UCMA: variants seen among roughly 807,000 people sequenced by gnomAD.
UCMA encodes the protein upper zone of growth plate and cartilage matrix-associated protein.
Under a neutral mutation model 21.8 loss-of-function variants are expected in UCMA, and 21 were observed. The ratio of observed to expected loss-of-function variants is 0.97; its 90% CI spans 0.68 to 1.39. The LOEUF is 1.39. Ranked by LOEUF, UCMA falls within the 40% of genes most tolerant of loss-of-function variation. The probability of loss-of-function intolerance (pLI) is 0.00; values close to 1 mark genes in which losing one functional copy is unlikely to be tolerated. For synonymous variants in UCMA, 76 were observed against 67.9 expected (o/e 1.12, Z -0.58); for missense variants, 193 against 178.9 (o/e 1.08, Z -0.45).
At chr10:13,231,250 C>G (rs1834896112) in intron 3 of UCMA, among the ~76,000 whole-genome samples, 1 of 152,126 alleles carries the variant, frequency 6.6e-6, no homozygotes, top group South Asian at 2.1e-4. Flanking sequence ...TCTGCCGTGA[C>G]CTACTTAGTT....
At chr10:13,226,420 G>A (rs973301839) in intron 4 of UCMA, among the ~76,000 whole-genome samples, 2 of 151,922 alleles carry the variant, frequency 1.3e-5, no homozygotes, top group Admixed American at 1.3e-4. Context: ...CCATCCCCCT[G>A]CCTTAGCCTC....
intron 4 of UCMA, 63 bp downstream of exon 4, chr10:13,229,548 C>A (rs936991651): frequency 3.8e-5 from 55 of 1,442,552 alleles, no homozygotes; most frequent in Non-Finnish European, 4.9e-5. Context: ...GAAGAGAAAG[C>A]AAACCATGTG....
chr10:13,234,163 G>T (rs768655178), intron 1 of UCMA, 38 bp downstream of exon 1: 24 of 1,580,206 alleles, frequency 1.5e-5, no homozygotes, highest in Non-Finnish European at 2.0e-5. Flanking sequence ...CCCTTACCAT[G>T]TAACTAACAC....
At chr10:13,222,976 G>A (rs1296114259) in intron 4 of UCMA, among the ~76,000 whole-genome samples, 2 of 151,778 alleles carry the variant, frequency 1.3e-5, no homozygotes, top group African/African-American at 2.4e-5. Context: ...TATAATCCCA[G>A]CACTTTGGGA....
intron 3 of UCMA, among the ~76,000 whole-genome samples, chr10:13,230,724 G>T (rs1055751969): frequency 6.6e-6 from 1 of 152,134 alleles, no homozygotes; most frequent in African/African-American, 2.4e-5. Flanking sequence ...AGAGGTGCTG[G>T]GAGAAACAAG....
chr10:13,233,731 T>G lies in UCMA; in HGVS notation c.124+4A>C. ...CCTGCCCCGTGGGTGGCCCCTGCAC[T>G]CACCTTCACTCGCCTCTTCTCCCGC... On this transcript the variant is annotated splice_donor_region_variant and intron_variant, in intron 2 of 4. Coordinates refer to ENST00000378681, the MANE Select transcript of UCMA (RefSeq NM_145314.3). The G allele has an allele frequency of 6.2e-7, 1 of 1,614,046 alleles. No homozygotes were observed. The highest frequency in any genetic ancestry group is 8.5e-7 in the Non-Finnish European group (1 of 1,180,018).
chr10:13,233,564 G>T lies in UCMA; in HGVS notation c.194C>A (p.Ser65Tyr), dbSNP rs766245822. Residue 65 changes from serine to tyrosine, a missense_variant, in exon 3 of 5, where the codon TCC becomes TAC. Ser to Tyr is a moderately radical substitution (Grantham distance 144). Transcript: ENST00000378681. ...ATTGACCTCATCTCTGGACTTGGGGGACCGCTTGCCGCGCCTCTTGAGGAA... is the reference window on the plus strand; with the variant it reads ...ATTGACCTCATCTCTGGACTTGGGGTACCGCTTGCCGCGCCTCTTGAGGAA... Reference protein sequence around the residue: ...SNFLKRRGKRSPKSRDEVNVE... With the variant: ...SNFLKRRGKRYPKSRDEVNVE... 1.2e-6 allele frequency: 2 copies of T among 1,614,010 alleles called. No individual in the cohort carries two copies. The highest frequency in any genetic ancestry group is 1.7e-6 in the Non-Finnish European group (2 of 1,180,010).
At chr10:13,224,324 TAAA>T (rs2131602175) in intron 4 of UCMA, among the ~76,000 whole-genome samples, 1 of 109,104 alleles carries the variant, frequency 9.2e-6, no homozygotes, top group East Asian at 2.7e-4. Flanking sequence ...AAAACCCATC[TAAA>T]AAAGAAAGAA....
intron 4 of UCMA, among the ~76,000 whole-genome samples, chr10:13,226,695 G>A (rs762303358): frequency 2.6e-5 from 4 of 152,140 alleles, no homozygotes; most frequent in South Asian, 2.1e-4. Flanking sequence ...TGAGGATTAG[G>A]TGGCCACTTA....
chr10:13,222,119 T>C lies in UCMA; in HGVS notation c.401A>G (p.Asn134Ser), dbSNP rs778263574. ...AGGATGGGATCAGGTGTGGTGGCGGTTGTAGAGATAGGATGGGTGCAGGCC... is the reference window on the plus strand; with the variant it reads ...AGGATGGGATCAGGTGTGGTGGCGGCTGTAGAGATAGGATGGGTGCAGGCC... ...YDGLHPSYLY[N>S]RHHT is the part of the protein sequence containing the mutation. Residue 134 changes from asparagine (N) to serine (S), a missense_variant, in exon 5 of 5, where the codon AAC (asparagine) becomes AGC (serine). Physicochemically the swap from Asn to Ser is conservative, Grantham distance 46. Coordinates refer to ENST00000378681, the MANE Select transcript of UCMA (RefSeq NM_145314.3). The C allele has an allele frequency of 1.2e-6, 2 of 1,613,856 alleles. No homozygotes were observed. The highest frequency in any genetic ancestry group is 1.1e-5 in the South Asian group (1 of 91,048).
In UCMA at chr10:13,230,439, G is replaced by A. The variant is rs112051480; in HGVS notation, c.221-730C>T. Among the ~76,000 whole-genome samples, 7 of 152,282 alleles carry A rather than the reference G, an allele frequency of 4.6e-5. 2 individuals carry two copies. Among genetic ancestry groups the A allele is most frequent in the African/African-American group, 1.2e-4 (5 of 41,562 alleles). On this transcript the variant is annotated intron_variant, in intron 3 of 4. Coordinates refer to ENST00000378681, the MANE Select transcript of UCMA (RefSeq NM_145314.3). ...AAATTCCCGGTTGTCTGGAGGAAAC[G>A]ATGTAAAGCTCTCTACTTTCAAGGT... is the stretch of plus-strand genomic sequence containing the variant.
At chr10:13,229,158 A>T (rs985189660) in intron 4 of UCMA, among the ~76,000 whole-genome samples, 2 of 151,798 alleles carry the variant, frequency 1.3e-5, no homozygotes, top group Non-Finnish European at 2.9e-5. Flanking sequence ...TTGGTCTCAA[A>T]CTCCTGACCT....
At chr10:13,222,922 G>A (rs1834776866) in intron 4 of UCMA, among the ~76,000 whole-genome samples, 1 of 151,680 alleles carries the variant, frequency 6.6e-6, no homozygotes, top group African/African-American at 2.4e-5. Context: ...TCCTGTCTCA[G>A]CCTCCCAAAG....
In UCMA at chr10:13,234,233, A is replaced by G; in HGVS notation, c.26T>C (p.Leu9Pro). The G allele has an allele frequency of 6.2e-7, 1 of 1,613,214 alleles. No homozygotes were observed. Among genetic ancestry groups the G allele is most frequent in the Non-Finnish European group, 8.5e-7 (1 of 1,179,842 alleles). Residue 9 changes from leucine (L) to proline (P), a missense_variant, in exon 1 of 5, where the codon CTG (leucine) becomes CCG (proline). Leu to Pro is a moderately conservative substitution (Grantham distance 98). Transcript: ENST00000378681. MTWRQAVL[L>P]SCFSAVVLLS... Reference sequence around the variant, plus strand: ...GAGCACCACGGCGGAGAAGCAAGACAGCAGGACGGCCTGTCTCCAAGTCAT... The same window carrying G: ...GAGCACCACGGCGGAGAAGCAAGACGGCAGGACGGCCTGTCTCCAAGTCAT...
chr10:13,234,175 C>G, intron 1 of UCMA, 26 bp downstream of exon 1: 1 of 1,598,786 alleles, frequency 6.3e-7, no homozygotes, highest in Non-Finnish European at 8.5e-7. Flanking sequence ...AACTAACACC[C>G]TCCACCTTGA....
chr10:13,227,741 A>AAG (rs1564402774), intron 4 of UCMA, among the ~76,000 whole-genome samples: 1 of 27,500 alleles, frequency 3.6e-5, no homozygotes, highest in African/African-American at 1.2e-4. Context: ...AAGGAAAGGA[A>AAG]ATACACACAC....
intron 4 of UCMA, among the ~76,000 whole-genome samples, chr10:13,223,433 T>C (rs938456813): frequency 4.6e-5 from 7 of 152,134 alleles, no homozygotes. Context: ...CAAAAAGGAA[T>C]GAAGTTCTGG....
chr10:13,224,237 G>A (rs1384599604), intron 4 of UCMA, among the ~76,000 whole-genome samples: 3 of 152,032 alleles, frequency 2.0e-5, no homozygotes, highest in Admixed American at 2.0e-4. Flanking sequence ...TGAGTTGGGA[G>A]GATTGCTCGA....
chr10:13,226,501 C>G (rs1012310969), intron 4 of UCMA, among the ~76,000 whole-genome samples: 2 of 151,924 alleles, frequency 1.3e-5, no homozygotes, highest in African/African-American at 4.8e-5. Context: ...AATTTTTTTT[C>G]TTTTGTAGAG....
Sources: gnomAD v4.1 joint callset for allele counts (sites outside exome capture counted in the v4.1 genomes callset) on GRCh38, gnomAD v4.1.1 for gene constraint, MANE v1.5 for transcripts, NCBI Gene and HGNC (gene_info 2026-07-23, HGNC 2026-07-21) for gene names.